R3HDM1: variants seen among roughly 807,000 people sequenced by gnomAD.
R3HDM1 encodes the protein R3H domain-containing protein 1.
Under a neutral mutation model 141.1 loss-of-function variants are expected in R3HDM1, and 46 were observed. The ratio of observed to expected loss-of-function variants is 0.33; its 90% confidence interval spans 0.26 to 0.42. R3HDM1 has a LOEUF of 0.42. R3HDM1 is among the 10% of genes least tolerant of loss of function. The pLI, the probability that R3HDM1 is intolerant of heterozygous loss-of-function variation, is 1.00. For synonymous variants in R3HDM1, 435 were observed against 472.9 expected (o/e 0.92, Z 1.04); for missense variants, 1,184 against 1,368.3 (o/e 0.87, Z 2.12).
In R3HDM1 at chr2:135,678,510, G is replaced by A. The variant is rs2069609727; in HGVS notation, c.2308-1663G>A. ...TGCCTGTAACCCCAGCACTGTAGGAGGCCAAGGTAGGTGGATCACCTGAGG... is the reference window on the plus strand; with the variant it reads ...TGCCTGTAACCCCAGCACTGTAGGAAGCCAAGGTAGGTGGATCACCTGAGG... On this transcript the variant is annotated intron_variant, in intron 20 of 26. Transcript: ENST00000683871. Among the ~76,000 whole-genome samples the A allele has an allele frequency of 2.0e-5, 3 of 151,648 alleles. No individual in the cohort carries two copies. The South Asian group carries it at 6.2e-4, about 32-fold the overall frequency.
intron 23 of R3HDM1, among the ~76,000 whole-genome samples, chr2:135,714,508 G>T (rs1244710887): frequency 1.3e-5 from 2 of 152,226 alleles, no homozygotes; most frequent in African/African-American, 4.8e-5. Context: ...TTCTGGACTT[G>T]AAGGGAAACA....
chr2:135,674,201 C>G (rs1174335537), intron 19 of R3HDM1, among the ~76,000 whole-genome samples: 4 of 152,164 alleles, frequency 2.6e-5, no homozygotes, highest in Non-Finnish European at 5.9e-5. Flanking sequence ...ATTAAGGCTA[C>G]CAGACAACTA....
intron 1 of R3HDM1, among the ~76,000 whole-genome samples, chr2:135,534,408 A>G (rs1048976320): frequency 1.9e-4 from 29 of 152,190 alleles, no homozygotes; most frequent in Non-Finnish European, 2.8e-4. Context: ...GTTCTTTTTA[A>G]TTCTCCTTAT....
At chr2:135,629,466 G>T (rs2062413335) in intron 7 of R3HDM1, among the ~76,000 whole-genome samples, 1 of 152,166 alleles carries the variant, frequency 6.6e-6, no homozygotes, top group Admixed American at 6.5e-5. Flanking sequence ...AGACCTTCTG[G>T]ATGAAGTAAT....
At chr2:135,553,978 C>T (rs1219889230) in intron 1 of R3HDM1, among the ~76,000 whole-genome samples, 2 of 152,252 alleles carry the variant, frequency 1.3e-5, no homozygotes, top group African/African-American at 4.8e-5. Flanking sequence ...GCATGAGCCA[C>T]GACGCTCAGC....
At chr2:135,716,606 A>G (rs2105455852) in intron 24 of R3HDM1, among the ~76,000 whole-genome samples, 1 of 152,368 alleles carries the variant, frequency 6.6e-6, no homozygotes, top group African/African-American at 2.4e-5. Context: ...TACTTAAATT[A>G]TGGTATATTC....
rs779807922 is a variant in R3HDM1 at position 135,631,795 on chromosome 2, A to G, written c.557+18A>G. ...AATAATGAGTAAGTCCTGACATTCA[A>G]CAAGAAAAGAAATTGTCATCACCAT... On this transcript the variant is annotated intron_variant, in intron 8 of 26. Coordinates refer to ENST00000683871, the MANE Select transcript of R3HDM1 (RefSeq NM_001378107.1). 7.7e-6 allele frequency: 12 copies of G among 1,566,504 alleles called. No homozygotes were observed. Among genetic ancestry groups the G allele is most frequent in the South Asian group, 1.2e-5 (1 of 83,450 alleles).
In R3HDM1 at chr2:135,641,564, A is replaced by G. The variant is rs1352008937; in HGVS notation, c.1248A>G (p.Ser416=). 6.2e-7 allele frequency: 1 copy of G among 1,614,002 alleles called. No homozygotes were observed. ...TGSESSGSVG[S]STGSLSHIQQ... ...CTGAGTCTTCTGGTAGTGTAGGGTC[A>G]TCTACAGGCTCTCTTTCTCACATCC... Residue 416 remains serine, a synonymous_variant, in exon 15 of 27, where the codon TCA becomes TCG. Transcript: ENST00000683871.
intron 5 of R3HDM1, among the ~76,000 whole-genome samples, chr2:135,620,949 T>G (rs971093987): frequency 1.3e-5 from 2 of 152,060 alleles, no homozygotes; most frequent in African/African-American, 4.8e-5. Flanking sequence ...GGATTGACAG[T>G]GATATATAAA....
At chr2:135,587,618 T>A (rs1044611831) in intron 1 of R3HDM1, among the ~76,000 whole-genome samples, 1 of 152,156 alleles carries the variant, frequency 6.6e-6, no homozygotes, top group Admixed American at 6.6e-5. Context: ...TTCATTATTT[T>A]TAAGCCTCAG....
At chr2:135,579,714 C>T (rs539220106) in intron 1 of R3HDM1, among the ~76,000 whole-genome samples, 2 of 152,156 alleles carry the variant, frequency 1.3e-5, no homozygotes, top group African/African-American at 2.4e-5. Context: ...ATTTCACTTC[C>T]GCGGTATCCC....
chr2:135,690,137 T>C (rs7570283), intron 21 of R3HDM1, among the ~76,000 whole-genome samples: 20,172 of 152,142 alleles, frequency 0.13, 1,738 homozygotes, highest in East Asian at 0.36. Flanking sequence ...TTTTTCCTCA[T>C]TTTTGTATCC....
chr2:135,649,112 C>G (rs894787498), intron 16 of R3HDM1: 4 of 150,568 alleles, frequency 2.7e-5, no homozygotes, highest in African/African-American at 9.8e-5. Context: ...GGCGCCCAGG[C>G]TGGAGTGCAG....
chr2:135,540,084 G>T lies in R3HDM1; in HGVS notation c.-250+8451G>T, dbSNP rs148444122. 4.3e-3 allele frequency among the ~76,000 whole-genome samples: 653 copies of T among 152,238 alleles called. 8 individuals are homozygous for T. The highest frequency in any genetic ancestry group is 0.015 in the African/African-American group (610 of 41,542). On this transcript the variant is annotated intron_variant, in intron 1 of 26. Coordinates refer to ENST00000683871, the MANE Select transcript of R3HDM1 (RefSeq NM_001378107.1). ...GTTTGTGTAATATTCTAAATCCTTTGTTGCTATTTCAACAATGCTAACAGA... is the reference window on the plus strand; with the variant it reads ...GTTTGTGTAATATTCTAAATCCTTTTTTGCTATTTCAACAATGCTAACAGA...
At chr2:135,666,641 T>G (rs1468225214) in intron 19 of R3HDM1, among the ~76,000 whole-genome samples, 1 of 152,196 alleles carries the variant, frequency 6.6e-6, no homozygotes, top group Non-Finnish European at 1.5e-5. Flanking sequence ...AAACTCTGTG[T>G]GACTGTTTTT....
chr2:135,559,107 G>C, intron 1 of R3HDM1: 1 of 926,984 alleles, frequency 1.1e-6, no homozygotes, highest in South Asian at 5.1e-5. Flanking sequence ...GCGTGTGTGT[G>C]TGTGGTTTTG....
At chr2:135,600,317 T>A (rs887387575) in intron 1 of R3HDM1, among the ~76,000 whole-genome samples, 3 of 152,086 alleles carry the variant, frequency 2.0e-5, no homozygotes, top group Non-Finnish European at 4.4e-5. Context: ...CTAAGCCGCT[T>A]GTACACAGTG....
chr2:135,652,942 T>C (rs1256705232), intron 18 of R3HDM1, among the ~76,000 whole-genome samples: 3 of 152,152 alleles, frequency 2.0e-5, no homozygotes, highest in Non-Finnish European at 4.4e-5. Context: ...TTTTAATGTT[T>C]TTAGGATCTT....
At chr2:135,607,887 T>C in intron 3 of R3HDM1, 6 of 982,820 alleles carry the variant, frequency 6.1e-6, no homozygotes, top group Non-Finnish European at 7.3e-6. Context: ...AACATGGGTA[T>C]GGTCTTTGAC....
Sources: gnomAD v4.1 joint callset for allele counts (sites outside exome capture counted in the v4.1 genomes callset) on GRCh38, gnomAD v4.1.1 for gene constraint, MANE v1.5 for transcripts, NCBI Gene and HGNC (gene_info 2026-07-23, HGNC 2026-07-21) for gene names.